The following GSDMD variants were observed in gnomAD, a reference collection of about 807,000 sequenced individuals.
GSDMD encodes the protein gasdermin D, also known as gasdermin-D.
Under a neutral mutation model 46.7 loss-of-function variants are expected in GSDMD, and 46 were observed. The ratio of observed to expected loss-of-function variants is 0.99; its 90% confidence interval spans 0.78 to 1.26. The LOEUF is 1.26. Ranked by LOEUF, GSDMD falls within the 50% of genes most tolerant of loss-of-function variation. The pLI is 0.00. For missense variants in GSDMD, 649 were observed against 638.8 expected (o/e 1.02, Z -0.17); for synonymous variants, 307 against 283.1 (o/e 1.08, Z -0.85).
In GSDMD at chr8:143,559,331, G is replaced by T; in HGVS notation, c.-4-1G>T. ...ATGCCTGACCCATTTCCCCTCCTCA[G>T]GAGCATGGGGTCGGCCTTTGAGCGG... On this transcript the variant is annotated splice_acceptor_variant, in intron 1 of 10. Coordinates refer to ENST00000262580, the MANE Select transcript of GSDMD (RefSeq NM_024736.7). LOFTEE classifies it low-confidence loss of function (5UTR_SPLICE). 1 of 1,341,862 alleles carries T rather than the reference G, an allele frequency of 7.5e-7. No individual in the cohort carries two copies. 83.1% of individuals were successfully genotyped at this position (1,341,862 alleles called of 1,614,324 possible). A position where few individuals can be genotyped will look rare whatever the true frequency, so the allele number is the denominator to read the frequency against.
In GSDMD at chr8:143,562,114, C is replaced by A; in HGVS notation, c.979C>A (p.Arg327=). 1 of 1,597,200 alleles carries A rather than the reference C, an allele frequency of 6.3e-7. No homozygotes were observed. The highest frequency in any genetic ancestry group is 8.5e-7 in the Non-Finnish European group (1 of 1,177,954). The part of the protein sequence containing the change: ...EGVLRDQLAL[R]ALEEALEQGQ... ...GGTGCTGCGGGACCAGCTGGCCCTG[C>A]GAGCCTTGGAGGAGGCGGTGAGCGG... is the stretch of plus-strand genomic sequence containing the variant. The change falls in exon 8 of 11, where the codon CGA becomes AGA. Residue 327 remains arginine, a synonymous_variant. Coordinates refer to ENST00000262580, the MANE Select transcript of GSDMD (RefSeq NM_024736.7).
At chr8:143,559,043 T>C (rs1823383234) in intron 1 of GSDMD, 1 of 532,050 alleles carries the variant, frequency 1.9e-6, no homozygotes, top group Non-Finnish European at 3.4e-6. Flanking sequence ...GCAGCCATTC[T>C]AGTGGACAGA....
chr8:143,556,398 T>C (rs1823297289), upstream of GSDMD, among the ~76,000 whole-genome samples: 3 of 151,846 alleles, frequency 2.0e-5, no homozygotes, highest in South Asian at 6.2e-4. Flanking sequence ...ACGAAAACTT[T>C]GCCAGGTGTG....
chr8:143,560,980 C>T lies in GSDMD; in HGVS notation c.580-22C>T, dbSNP rs780783370. ...ACGGCCCGGTGCCAGGGCCCAGCCC[C>T]GAGCCCATCTCCATGCCTCAGGGTG... On this transcript the variant is annotated intron_variant, in intron 4 of 10. Coordinates refer to ENST00000262580, the MANE Select transcript of GSDMD (RefSeq NM_024736.7). 1.1e-5 allele frequency: 17 copies of T among 1,605,260 alleles called. No homozygotes were observed. The Middle Eastern group carries it at 6.6e-4, about 62-fold the overall frequency.
At position 143,561,404 on chromosome 8, in the gene GSDMD, C is replaced by T. The variant is rs1243423070; in HGVS notation, c.717C>T (p.Thr239=). The T allele has an allele frequency of 1.2e-6, 2 of 1,611,310 alleles. No individual in the cohort carries two copies. Among genetic ancestry groups the T allele is most frequent in the East Asian group, 2.2e-5 (1 of 44,866 alleles). Residue 239 remains threonine (T), a synonymous_variant, in exon 6 of 11, where the codon ACC becomes ACT. Coordinates refer to ENST00000262580, the MANE Select transcript of GSDMD (RefSeq NM_024736.7). ...VLLFPDKKQR[T]FQPPATGHKR... ...TCTTCCCGGATAAGAAGCAGAGGACCTTCCAGCCACCCGCGACAGGTGAGA... is the reference window on the plus strand; with the variant it reads ...TCTTCCCGGATAAGAAGCAGAGGACTTTCCAGCCACCCGCGACAGGTGAGA...
chr8:143,554,610 A>C (rs1823268201), upstream of GSDMD, among the ~76,000 whole-genome samples: 1 of 149,390 alleles, frequency 6.7e-6, no homozygotes, highest in Non-Finnish European at 1.5e-5. Flanking sequence ...CAACGCGCAC[A>C]CAACACTCAG....
intron 1 of GSDMD, chr8:143,559,130 C>G: frequency 3.3e-6 from 2 of 602,256 alleles, no homozygotes; most frequent in Non-Finnish European, 5.9e-6. Flanking sequence ...CCGTAGACAA[C>G]AGGGAGAACA....
rs748484658 is a variant in GSDMD, at chr8:143,560,120, T to G, written c.410+151T>G. The G allele has an allele frequency of 1.2e-5, 9 of 773,256 alleles. 1 individual carries two copies. The South Asian group carries it at 1.3e-4, about 11-fold the overall frequency. The allele number at this position is 773,256 out of a possible 1,614,324, so 47.9% of individuals were successfully genotyped here. On this transcript the variant is annotated intron_variant, in intron 3 of 10. Coordinates refer to ENST00000262580, the MANE Select transcript of GSDMD (RefSeq NM_024736.7). ...AACTCCTGGCCTCAAGCAGTCCTCC[T>G]GCCTCGGCCTCCCAAAGTGCTGGGA...
chr8:143,560,087 T>C, intron 3 of GSDMD, 118 bp downstream of exon 3: 1 of 1,021,966 alleles, frequency 9.8e-7, no homozygotes, highest in African/African-American at 1.6e-5. Flanking sequence ...TCGGCCAGGG[T>C]GGTCTTGAAC....
Position 143,562,355 on chromosome 8 carries a change from G to C in GSDMD, c.1138+5G>C. ...ACCTGCTGGGGGCACTGACCAGTGA[G>C]CGGCCGCTGGGGGCAGGTGGCGGGT... On this transcript the variant is annotated splice_donor_5th_base_variant and intron_variant, in intron 9 of 10. Coordinates refer to ENST00000262580, the MANE Select transcript of GSDMD (RefSeq NM_024736.7). The C allele has an allele frequency of 6.5e-7, 1 of 1,547,054 alleles. No individual in the cohort carries two copies. Among genetic ancestry groups the C allele is most frequent in the Non-Finnish European group, 8.7e-7 (1 of 1,147,448 alleles).
chr8:143,561,285 C>T, intron 5 of GSDMD, 85 bp from the exon 6 acceptor site: 1 of 1,356,096 alleles, frequency 7.4e-7, no homozygotes, highest in Non-Finnish European at 1.0e-6. Flanking sequence ...CTGAGCTGGA[C>T]AGGGGAGCTC....
intron 5 of GSDMD, 115 bp downstream of exon 5, chr8:143,561,219 G>A: frequency 7.3e-6 from 9 of 1,236,744 alleles, no homozygotes; most frequent in Non-Finnish European, 8.1e-6. Context: ...ACAACGTCCT[G>A]TGTCTGGCAG....
chr8:143,561,254 G>A (rs1823453544), intron 5 of GSDMD, 116 bp from the exon 6 acceptor site: 3 of 1,216,942 alleles, frequency 2.5e-6, no homozygotes, highest in Non-Finnish European at 2.3e-6. Flanking sequence ...GTGCTCTGGT[G>A]TGTGGGTGAT....
upstream of GSDMD, among the ~76,000 whole-genome samples, chr8:143,554,262 C>T (rs1256028639): frequency 6.6e-6 from 1 of 152,260 alleles, no homozygotes; most frequent in Non-Finnish European, 1.5e-5. Context: ...GGCCCACTTA[C>T]ATATAAATGC....
chr8:143,561,627 C>T, intron 6 of GSDMD, 115 bp from the exon 7 acceptor site: 1 of 980,570 alleles, frequency 1.0e-6, no homozygotes, highest in South Asian at 1.5e-5. Flanking sequence ...CCTGGGCTGC[C>T]AGTGTTGGCA....
upstream of GSDMD, among the ~76,000 whole-genome samples, chr8:143,557,294 G>A (rs75348471): frequency 2.8e-5 from 3 of 108,954 alleles, no homozygotes; most frequent in African/African-American, 7.8e-5. Flanking sequence ...TGCCGCTATG[G>A]CGAAGGATGC....
Position 143,559,910 on chromosome 8 carries a change from A to C in GSDMD, c.351A>C (p.Ser117=), listed in dbSNP as rs751427709. 6.2e-7 allele frequency: 1 copy of C among 1,612,786 alleles called. No homozygotes were observed. Among genetic ancestry groups the C allele is most frequent in the East Asian group, 2.2e-5 (1 of 44,860 alleles). Residue 117 remains serine (S), a synonymous_variant, in exon 3 of 11, where the codon TCA becomes TCC. Coordinates refer to ENST00000262580, the MANE Select transcript of GSDMD (RefSeq NM_024736.7). ...CGGTGTCTGACAGCTCCAGCACCTCAATGAATGTGTACTCGCTGAGTGTGG... is the reference window on the plus strand; with the variant it reads ...CGGTGTCTGACAGCTCCAGCACCTCCATGAATGTGTACTCGCTGAGTGTGG... ...GAAVSDSSST[S]MNVYSLSVDP...
intron 6 of GSDMD, 133 bp downstream of exon 6, chr8:143,561,556 TAC>T: frequency 2.1e-6 from 2 of 970,546 alleles, no homozygotes; most frequent in Non-Finnish European, 3.1e-6. Flanking sequence ...GCACCCCCCA[TAC>T]ACACACAAGG....
intron 2 of GSDMD, 40 bp from the exon 3 acceptor site, chr8:143,559,737 C>T (rs375771346): frequency 3.5e-5 from 54 of 1,530,242 alleles, no homozygotes; most frequent in East Asian, 9.2e-5. Flanking sequence ...GGGGGAGAGG[C>T]GGGGCGCTGG....
Sources: gnomAD v4.1 joint callset for allele counts (sites outside exome capture counted in the v4.1 genomes callset) on GRCh38, gnomAD v4.1.1 for gene constraint, MANE v1.5 for transcripts, NCBI Gene and HGNC (gene_info 2026-07-23, HGNC 2026-07-21) for gene names.